Variants in TMEM62 observed in about 807,000 individuals in gnomAD.
The protein encoded by TMEM62 is transmembrane protein 62.
In TMEM62, 41 loss-of-function variants were observed where a neutral mutation model predicts 70.4. That is an observed-to-expected ratio of 0.58 (90% CI 0.45 to 0.76). The LOEUF (loss-of-function observed/expected upper bound fraction) is 0.76, where lower values mean the gene tolerates loss of function less well. Ranked by LOEUF, TMEM62 falls within the 30% of genes least tolerant of loss-of-function variation. The pLI is 0.00. For missense variants in TMEM62, 688 were observed against 788.5 expected, an observed-to-expected ratio of 0.87 and a Z score of 1.53; for synonymous variants, 268 against 291.0, an observed-to-expected ratio of 0.92 and a Z score of 0.80.
chr15:43,179,381 C>T (rs1021715094), intron 12 of TMEM62, among the ~76,000 whole-genome samples: 2 of 152,192 alleles, frequency 1.3e-5, no homozygotes, highest in South Asian at 4.1e-4. Flanking sequence ...TATCTGCACT[C>T]TTCTGTTGTA....
chr15:43,173,262 G>A (rs2040392578), intron 11 of TMEM62, among the ~76,000 whole-genome samples: 1 of 152,186 alleles, frequency 6.6e-6, no homozygotes, highest in Non-Finnish European at 1.5e-5. Context: ...GGTCACCAAT[G>A]CCATGTCAGT....
rs770602916 is a variant in TMEM62, at chr15:43,133,950, C to G, written c.148C>G (p.Pro50Ala). 2 of 1,467,830 alleles carry G rather than the reference C, an allele frequency of 1.4e-6. No homozygotes were observed. Among genetic ancestry groups the G allele is most frequent in the East Asian group, 2.6e-5 (1 of 38,628 alleles). The allele number at this position is 1,467,830 out of a possible 1,614,324, so 90.9% of individuals were successfully genotyped here. Residue 50 changes from proline (P) to alanine (A), a missense_variant, in exon 1 of 14, where the codon CCC (proline) becomes GCC (alanine). By Grantham distance (27) the Pro-to-Ala change is conservative. Coordinates refer to ENST00000260403, the MANE Select transcript of TMEM62 (RefSeq NM_024956.4). ...PPRRPHPAPG[P>A]GDSNIFWGLQ... is the part of the protein sequence containing the mutation. ...CAGGAGGCCGCACCCTGCGCCAGGG[C>G]CCGGAGACAGCAACATCTTCTGGGG...
intron 11 of TMEM62, among the ~76,000 whole-genome samples, chr15:43,175,073 C>T (rs2040584071): frequency 6.6e-6 from 1 of 152,096 alleles, no homozygotes; most frequent in Non-Finnish European, 1.5e-5. Flanking sequence ...TAAAAGTTCC[C>T]CTAGGTTATT....
At chr15:43,156,181 T>A (rs2038023242) in intron 9 of TMEM62, among the ~76,000 whole-genome samples, 1 of 152,222 alleles carries the variant, frequency 6.6e-6, no homozygotes, top group Non-Finnish European at 1.5e-5. Flanking sequence ...TTTCATTATC[T>A]TTTTTATCCC....
chr15:43,134,206 T>C, intron 1 of TMEM62, 51 bp from the exon 2 acceptor site: 2 of 1,582,594 alleles, frequency 1.3e-6, no homozygotes, highest in Non-Finnish European at 8.7e-7. Context: ...CCCCTCCCCA[T>C]GCTGCCTCTT....
chr15:43,141,082 C>T (rs946574506), intron 4 of TMEM62, among the ~76,000 whole-genome samples: 11 of 152,230 alleles, frequency 7.2e-5, no homozygotes, highest in African/African-American at 1.4e-4. Context: ...ACAGGACCTC[C>T]GTGAGCTGGG....
intron 7 of TMEM62, among the ~76,000 whole-genome samples, chr15:43,150,066 C>T (rs2037177929): frequency 6.6e-6 from 1 of 152,122 alleles, no homozygotes; most frequent in Non-Finnish European, 1.5e-5. Flanking sequence ...AAACCCTGTG[C>T]TCTCAGATAA....
intron 13 of TMEM62, among the ~76,000 whole-genome samples, chr15:43,181,736 A>G (rs2041350653): frequency 6.6e-6 from 1 of 152,222 alleles, no homozygotes; most frequent in South Asian, 2.1e-4. Context: ...TCCTGACCTC[A>G]GATGATTCAC....
At chr15:43,142,896 C>T (rs1179963160) in intron 4 of TMEM62, among the ~76,000 whole-genome samples, 1 of 151,204 alleles carries the variant, frequency 6.6e-6, no homozygotes, top group Non-Finnish European at 1.5e-5. Context: ...TCTTGAACTC[C>T]TGGGCTCAAG....
chr15:43,175,322 A>G (rs1020734495), intron 11 of TMEM62, among the ~76,000 whole-genome samples: 1 of 152,252 alleles, frequency 6.6e-6, no homozygotes, highest in African/African-American at 2.4e-5. Flanking sequence ...GGTTATAAGT[A>G]TAAAATGAAT....
At chr15:43,175,151 G>C (rs2040590634) in intron 11 of TMEM62, among the ~76,000 whole-genome samples, 1 of 152,242 alleles carries the variant, frequency 6.6e-6, no homozygotes, top group South Asian at 2.1e-4. Context: ...AAGGCTAAAG[G>C]ATTTTTTAAA....
intron 13 of TMEM62, among the ~76,000 whole-genome samples, chr15:43,182,697 G>A (rs888675408): frequency 2.6e-5 from 4 of 151,902 alleles, no homozygotes; most frequent in East Asian, 1.9e-4. Flanking sequence ...CAGGTGATCC[G>A]CCCGTCTCGG....
intron 13 of TMEM62, among the ~76,000 whole-genome samples, chr15:43,183,881 G>A (rs1331326581): frequency 6.6e-6 from 1 of 152,002 alleles, no homozygotes; most frequent in Non-Finnish European, 1.5e-5. Flanking sequence ...AAAAATGGAG[G>A]TAAGAAAAAA....
chr15:43,143,152 C>G (rs1319828343), intron 4 of TMEM62, among the ~76,000 whole-genome samples: 2 of 152,226 alleles, frequency 1.3e-5, no homozygotes, highest in Middle Eastern at 3.4e-3. Context: ...ACCTCCACCT[C>G]CCTGGTTCAA....
intron 2 of TMEM62, among the ~76,000 whole-genome samples, 181 bp downstream of exon 2, chr15:43,134,549 C>G (rs1391178988): frequency 6.6e-6 from 1 of 152,158 alleles, no homozygotes; most frequent in African/African-American, 2.4e-5. Context: ...CTGAATGAGT[C>G]AAGATCCAGG....
chr15:43,170,318 T>TG (rs1248796170), intron 11 of TMEM62, among the ~76,000 whole-genome samples: 1 of 152,208 alleles, frequency 6.6e-6, no homozygotes, highest in Non-Finnish European at 1.5e-5. Context: ...AAGGTTTCTT[T>TG]GGGGTCCCCT....
intron 3 of TMEM62, among the ~76,000 whole-genome samples, chr15:43,137,267 A>G (rs1012762939): frequency 3.3e-5 from 5 of 152,238 alleles, no homozygotes; most frequent in African/African-American, 1.2e-4. Context: ...ATCAGGCATG[A>G]ATCCACTTCT....
At chr15:43,177,728 C>A (rs917073899) in intron 11 of TMEM62, among the ~76,000 whole-genome samples, 1 of 152,010 alleles carries the variant, frequency 6.6e-6, no homozygotes, top group South Asian at 2.1e-4. Context: ...AATCATCATT[C>A]TCAGTAAACT....
intron 8 of TMEM62, among the ~76,000 whole-genome samples, chr15:43,152,947 GT>G (rs1298789961): frequency 3.3e-5 from 5 of 152,216 alleles, no homozygotes; most frequent in Admixed American, 6.5e-5. Flanking sequence ...CTCTTAAGAT[GT>G]TTTTATATAA....
Sources: allele counts gnomAD v4.1 joint callset (sites outside exome capture counted in the v4.1 genomes callset), GRCh38; gene constraint gnomAD v4.1.1; transcripts MANE v1.5; gene names NCBI Gene and HGNC (gene_info 2026-07-23, HGNC 2026-07-21).